The following SGCZ variants were observed in gnomAD, a reference collection of about 807,000 sequenced individuals.
SGCZ encodes the protein sarcoglycan zeta.
A neutral mutation model predicts 41.3 loss-of-function variants in SGCZ; 40 were observed. The ratio of observed to expected loss-of-function variants is 0.97; its 90% CI spans 0.75 to 1.26. The LOEUF (loss-of-function observed/expected upper bound fraction) is 1.26. Among genes scored for constraint, SGCZ ranks in the 50% most tolerant of loss-of-function variants. The probability of loss-of-function intolerance (pLI) is 0.00; values close to 1 mark genes in which losing one functional copy is unlikely to be tolerated. For missense variants in SGCZ, 552 were observed against 369.8 expected (o/e 1.49, Z -4.04); for synonymous variants, 206 against 137.5 (o/e 1.50, Z -3.49).
At chr8:15,139,308 G>A (rs564931180) in intron 1 of SGCZ, among the ~76,000 whole-genome samples, 42 of 152,290 alleles carry the variant, frequency 2.8e-4, no homozygotes, top group African/African-American at 8.7e-4. Flanking sequence ...AGTCATGGGA[G>A]AGGACGGGGT....
intron 2 of SGCZ, among the ~76,000 whole-genome samples, chr8:14,410,164 A>G (rs1799320794): frequency 6.6e-6 from 1 of 152,126 alleles, no homozygotes; most frequent in African/African-American, 2.4e-5. Context: ...TCCTTATGAT[A>G]ATCTAACAAA....
chr8:14,817,230 T>A (rs546722255), intron 1 of SGCZ, among the ~76,000 whole-genome samples: 1 of 152,282 alleles, frequency 6.6e-6, no homozygotes, highest in East Asian at 1.9e-4. Context: ...TGGAGGCACC[T>A]GCCTCTGCCA....
At chr8:14,396,963 C>T (rs1441449345) in intron 2 of SGCZ, among the ~76,000 whole-genome samples, 3 of 152,132 alleles carry the variant, frequency 2.0e-5, no homozygotes, top group African/African-American at 7.2e-5. Flanking sequence ...ATAAATTACA[C>T]TTCTCCTTTA....
intron 3 of SGCZ, among the ~76,000 whole-genome samples, chr8:14,246,383 G>A (rs1239660138): frequency 3.3e-5 from 5 of 151,906 alleles, no homozygotes; most frequent in Admixed American, 2.0e-4. Context: ...ACTCATAGGT[G>A]GGAATTGAAT....
At chr8:14,485,624 T>G (rs1476302888) in intron 2 of SGCZ, among the ~76,000 whole-genome samples, 1 of 152,098 alleles carries the variant, frequency 6.6e-6, no homozygotes, top group African/African-American at 2.4e-5. Context: ...CTCGGTTTCC[T>G]CTCATAGTAC....
intron 1 of SGCZ, among the ~76,000 whole-genome samples, chr8:14,871,843 T>A (rs181358131): frequency 2.6e-5 from 4 of 150,976 alleles, no homozygotes; most frequent in Admixed American, 1.3e-4. Context: ...TATATATGTA[T>A]GTATATATAT....
chr8:14,324,607 A>C (rs1802031578), intron 2 of SGCZ, among the ~76,000 whole-genome samples: 1 of 152,172 alleles, frequency 6.6e-6, no homozygotes, highest in African/African-American at 2.4e-5. Flanking sequence ...AATAACTCTA[A>C]AATATTCAGA....
intron 1 of SGCZ, among the ~76,000 whole-genome samples, chr8:14,742,563 T>G (rs1469395328): frequency 6.6e-6 from 1 of 152,068 alleles, no homozygotes; most frequent in Non-Finnish European, 1.5e-5. Flanking sequence ...AGCTGAATTA[T>G]CTATTCAGTT....
intron 1 of SGCZ, among the ~76,000 whole-genome samples, chr8:15,012,313 A>T (rs1476964243): frequency 6.6e-6 from 1 of 151,564 alleles, no homozygotes; most frequent in Non-Finnish European, 1.5e-5. Context: ...AAAATAAAAA[A>T]TTAGCATGAT....
intron 1 of SGCZ, among the ~76,000 whole-genome samples, chr8:15,225,526 A>G (rs1801741064): frequency 6.6e-6 from 1 of 152,198 alleles, no homozygotes; most frequent in South Asian, 2.1e-4. Flanking sequence ...GCACGTGTTC[A>G]CATAATGAAA....
At chr8:15,216,152 A>C (rs1359100054) in intron 1 of SGCZ, among the ~76,000 whole-genome samples, 1 of 152,140 alleles carries the variant, frequency 6.6e-6, no homozygotes, top group African/African-American at 2.4e-5. Context: ...GATATGGTTG[A>C]AAGCAAAGGC....
intron 1 of SGCZ, among the ~76,000 whole-genome samples, chr8:15,125,393 A>G (rs1807642875): frequency 6.6e-6 from 1 of 152,068 alleles, no homozygotes; most frequent in African/African-American, 2.4e-5. Flanking sequence ...CCACTTTTCT[A>G]CAAAAAGTGG....
At chr8:14,884,287 G>GGAA (rs1170006281) in intron 1 of SGCZ, among the ~76,000 whole-genome samples, 1 of 152,092 alleles carries the variant, frequency 6.6e-6, no homozygotes, top group Non-Finnish European at 1.5e-5. Context: ...GCGTGTTTTT[G>GGAA]ATGCACCTTA....
chr8:14,701,992 C>T (rs371832806), intron 1 of SGCZ, among the ~76,000 whole-genome samples: 4 of 151,900 alleles, frequency 2.6e-5, no homozygotes, highest in East Asian at 1.9e-4. Context: ...TTAAAGGTCA[C>T]GCTCAAACAT....
chr8:14,413,434 A>G (rs1799414252), intron 2 of SGCZ, among the ~76,000 whole-genome samples: 1 of 151,942 alleles, frequency 6.6e-6, no homozygotes. Flanking sequence ...CTTTGCAAGG[A>G]AAGAGTTCTT....
At chr8:14,750,805 T>C (rs1287350609) in intron 1 of SGCZ, among the ~76,000 whole-genome samples, 1 of 152,148 alleles carries the variant, frequency 6.6e-6, no homozygotes, top group Non-Finnish European at 1.5e-5. Flanking sequence ...CAAAGCAAAA[T>C]AGTTTTGCGA....
intron 7 of SGCZ, among the ~76,000 whole-genome samples, chr8:14,092,788 C>G (rs1281276077): frequency 6.6e-6 from 1 of 151,994 alleles, no homozygotes; most frequent in Non-Finnish European, 1.5e-5. Flanking sequence ...TTGTCTTTTT[C>G]TTTATAAATT....
chr8:14,899,606 C>T lies in SGCZ; in HGVS notation c.39+337979G>A, dbSNP rs76603599. 2.3e-3 allele frequency among the ~76,000 whole-genome samples: 346 copies of T among 152,266 alleles called. 2 individuals are homozygous for T. The highest frequency in any genetic ancestry group is 7.9e-3 in the African/African-American group (330 of 41,546). On this transcript the variant is annotated intron_variant, in intron 1 of 7. Transcript: ENST00000382080. ...GGCAAAGCTTCCCCATGCTTGGAGGCTCCAGGTTGTAAATTGCTGTGCTAG... is the reference window on the plus strand; with the variant it reads ...GGCAAAGCTTCCCCATGCTTGGAGGTTCCAGGTTGTAAATTGCTGTGCTAG...
intron 1 of SGCZ, among the ~76,000 whole-genome samples, chr8:14,712,026 T>C (rs1457664024): frequency 6.6e-6 from 1 of 152,108 alleles, no homozygotes; most frequent in Admixed American, 6.5e-5. Context: ...CCCAGCACTT[T>C]TGGAGGCTGA....
Sources: gnomAD v4.1 joint callset for allele counts (sites outside exome capture counted in the v4.1 genomes callset) on GRCh38, gnomAD v4.1.1 for gene constraint, MANE v1.5 for transcripts, NCBI Gene and HGNC (gene_info 2026-07-23, HGNC 2026-07-21) for gene names.